IRGQ: variants seen among roughly 807,000 people sequenced by gnomAD.
The protein encoded by IRGQ is immunity-related GTPase family Q protein.
A neutral mutation model predicts 10.5 loss-of-function variants in IRGQ; 5 were observed. The ratio of observed to expected loss-of-function variants is 0.48; its 90% CI spans 0.25 to 1.00. The LOEUF (loss-of-function observed/expected upper bound fraction) is 1.00. IRGQ is among the 50% of genes least tolerant of loss of function. The pLI is 0.16. For synonymous variants in IRGQ, 418 were observed against 426.0 expected, an observed-to-expected ratio of 0.98 and a Z score of 0.23; for missense variants, 792 against 877.7, an observed-to-expected ratio of 0.90 and a Z score of 1.23.
At position 43,586,741 on chromosome 19, in the gene IRGQ, G is replaced by T. The variant is rs1431869005; in HGVS notation, c.*5285C>A. ...GAGCTCCATGTGTCAGGCTTTTCAGGAAAGGGTGTACTATGTTATGTGTCT... is the reference window on the plus strand; with the variant it reads ...GAGCTCCATGTGTCAGGCTTTTCAGTAAAGGGTGTACTATGTTATGTGTCT... On this transcript the variant is annotated 3_prime_UTR_variant, in exon 3 of 3. Coordinates refer to ENST00000422989, the MANE Select transcript of IRGQ (RefSeq NM_001007561.3). 1 of 152,192 alleles carries T rather than the reference G, an allele frequency of 6.6e-6. No individual in the cohort carries two copies. Among genetic ancestry groups the T allele is most frequent in the Non-Finnish European group, 1.5e-5 (1 of 68,052 alleles). The allele number at this position is 152,192 out of a possible 1,614,324, so 9.4% of individuals were successfully genotyped here.
At position 43,595,208 on chromosome 19, in the gene IRGQ, G is replaced by A; in HGVS notation, c.131C>T (p.Ser44Phe). Residue 44 changes from serine (S) to phenylalanine (F), a missense_variant, in exon 2 of 3, where the codon TCC becomes TTC. Ser to Phe is a radical substitution (Grantham distance 155, BLOSUM62 -2). Transcript: ENST00000422989. ...TLEAPEGRPD[S>F]GVPSLRAAGP... ...CGCAGCTCTTAGGCTGGGAACCCCG[G>A]AGTCCGGCCGTCCCTCGGGGGCCTC... The A allele has an allele frequency of 6.2e-7, 1 of 1,612,420 alleles. No homozygotes were observed. The highest frequency in any genetic ancestry group is 1.1e-5 in the South Asian group (1 of 91,028).
In IRGQ at chr19:43,592,085, G is replaced by A. The variant is rs900122121; in HGVS notation, c.1813C>T (p.Leu605Phe). The A allele has an allele frequency of 1.9e-6, 3 of 1,612,600 alleles. No individual in the cohort carries two copies. Among genetic ancestry groups the A allele is most frequent in the African/African-American group, 2.7e-5 (2 of 75,040 alleles). Residue 605 changes from leucine to phenylalanine, a missense_variant, in exon 3 of 3, where the codon CTC (leucine) becomes TTC (phenylalanine). Transcript: ENST00000422989. The stretch of plus-strand genomic sequence containing the variant: ...TCAGCATCAGCCCGCATCTCATCGA[G>A]AGCCTGCAGCAGGACGCCGTGAGCC... ...RAAHGVLLQA[L>F]DEMRADAEAV...
In IRGQ at chr19:43,586,711, T is replaced by C. The variant is rs886097935; in HGVS notation, c.*5315A>G. ...GCTGCCCAGGGGTGGGTGGCACTCA[T>C]GTTTGAGCTCCATGTGTCAGGCTTT... On this transcript the variant is annotated 3_prime_UTR_variant, in exon 3 of 3. Transcript: ENST00000422989. 1 of 152,220 alleles carries C rather than the reference T, an allele frequency of 6.6e-6. No homozygotes were observed. Among genetic ancestry groups the C allele is most frequent in the Non-Finnish European group, 1.5e-5 (1 of 68,054 alleles). The allele number at this position is 152,220 out of a possible 1,614,324, so 9.4% of individuals were successfully genotyped here.
In IRGQ at chr19:43,594,788, A is replaced by G. The variant is rs539233326; in HGVS notation, c.530+21T>C. 4.4e-6 allele frequency: 7 copies of G among 1,579,296 alleles called. No individual in the cohort carries two copies. The African/African-American group carries it at 5.4e-5, about 12-fold the overall frequency. The stretch of plus-strand genomic sequence containing the variant: ...GCCTAGGGTCTCGACTAACGGACCC[A>G]GCCAGAAAGCCGGCACTCACCTCCG... On this transcript the variant is annotated intron_variant, in intron 2 of 2. Coordinates refer to ENST00000422989, the MANE Select transcript of IRGQ (RefSeq NM_001007561.3).
intron 2 of IRGQ, among the ~76,000 whole-genome samples, chr19:43,594,498 G>A (rs1362892669): frequency 6.6e-6 from 1 of 151,874 alleles, no homozygotes; most frequent in Non-Finnish European, 1.5e-5. Flanking sequence ...AGCTAGGATC[G>A]CGGCACTGCA....
Position 43,592,689 on chromosome 19 carries a change from T to C in IRGQ, c.1209A>G (p.Ser403=). Residue 403 remains serine, a synonymous_variant, in exon 3 of 3, where the codon TCA becomes TCG. Coordinates refer to ENST00000422989, the MANE Select transcript of IRGQ (RefSeq NM_001007561.3). ...CGGCCCGCTCTGAGTCGCCACCACC[T>C]GATTTCTTCATGCCGACAACCTGCT... ...GLQQVVGMKK[S]GGGDSERAAA... is the part of the protein sequence containing the mutation. 2 of 1,608,236 alleles carry C rather than the reference T, an allele frequency of 1.2e-6. No homozygotes were observed. Among genetic ancestry groups the C allele is most frequent in the South Asian group, 2.2e-5 (2 of 91,088 alleles).
chr19:43,590,501 C>G lies in IRGQ; in HGVS notation c.*1525G>C, dbSNP rs552122072. 1 of 152,386 alleles carries G rather than the reference C, an allele frequency of 6.6e-6. No homozygotes were observed. Among genetic ancestry groups the G allele is most frequent in the East Asian group, 1.9e-4 (1 of 5,186 alleles). 9.4% of individuals were successfully genotyped at this position (152,386 alleles called of 1,614,324 possible). ...GTTTCTGCCTTTGCTTCATTCACTC[C>G]TGGCATATTCCCATGGTCTCAAGTG... On this transcript the variant is annotated 3_prime_UTR_variant, in exon 3 of 3. Transcript: ENST00000422989.
chr19:43,593,768 C>A lies in IRGQ; in HGVS notation c.531-401G>T, dbSNP rs1973093199. Reference sequence around the variant, plus strand: ...TCGCAACTGTATTGTGGCCTAAACACAAGTCCAGCACTATTTGAGACAAGG... The same window carrying A: ...TCGCAACTGTATTGTGGCCTAAACAAAAGTCCAGCACTATTTGAGACAAGG... On this transcript the variant is annotated intron_variant, in intron 2 of 2. Coordinates refer to ENST00000422989, the MANE Select transcript of IRGQ (RefSeq NM_001007561.3). This position sits in a 1 kb window ranked among gnomAD's most constrained non-coding sequence, Gnocchi z 6.4. 1.3e-5 allele frequency among the ~76,000 whole-genome samples: 2 copies of A among 152,144 alleles called. No homozygotes were observed. Among genetic ancestry groups the A allele is most frequent in the Non-Finnish European group, 2.9e-5 (2 of 68,036 alleles).
rs766863233 is a variant in IRGQ at position 43,593,113 on chromosome 19, G to A, written c.785C>T (p.Thr262Ile). Residue 262 changes from threonine to isoleucine, a missense_variant, in exon 3 of 3, where the codon ACT (threonine) becomes ATT (isoleucine). Physicochemically the swap from Thr to Ile is moderately conservative, Grantham distance 89 (BLOSUM62 -1). Transcript: ENST00000422989. The surrounding 1 kb of genome is among the most constrained non-coding windows in gnomAD (Gnocchi z 6.4). ...AAPASVPTAPTPFPAPERPNV... is the reference protein window; with the variant it reads ...AAPASVPTAPIPFPAPERPNV... Reference sequence around the variant, plus strand: ...CGGGCGCTCTGGGGCTGGGAAGGGAGTGGGTGCTGTGGGGACCGAAGCAGG... The same window carrying A: ...CGGGCGCTCTGGGGCTGGGAAGGGAATGGGTGCTGTGGGGACCGAAGCAGG... 1.3e-6 allele frequency: 2 copies of A among 1,570,670 alleles called. No individual in the cohort carries two copies. Among genetic ancestry groups the A allele is most frequent in the Admixed American group, 3.6e-5 (2 of 55,808 alleles).
rs1375080496 is a variant in IRGQ, at chr19:43,588,368, C to T, written c.*3658G>A. 1 of 151,740 alleles carries T rather than the reference C, an allele frequency of 6.6e-6. No individual in the cohort carries two copies. The highest frequency in any genetic ancestry group is 1.9e-4 in the East Asian group (1 of 5,184). The allele number at this position is 151,740 out of a possible 1,614,324, so 9.4% of individuals were successfully genotyped here. ...TGAGCCAAGATCGCACAACTGCACT[C>T]CAGCCTGGGTGACAGAGCAAGACTC... On this transcript the variant is annotated 3_prime_UTR_variant, in exon 3 of 3. Transcript: ENST00000422989.
rs1403468708 is a variant in IRGQ at position 43,586,389 on chromosome 19, G to A, written c.*5637C>T. 1 of 152,086 alleles carries A rather than the reference G, an allele frequency of 6.6e-6. No individual in the cohort carries two copies. The highest frequency in any genetic ancestry group is 1.9e-4 in the East Asian group (1 of 5,202). The allele number at this position is 152,086 out of a possible 1,614,324, so 9.4% of individuals were successfully genotyped here. A position where few individuals can be genotyped will look rare whatever the true frequency, so the allele number is the denominator to read the frequency against. On this transcript the variant is annotated 3_prime_UTR_variant, in exon 3 of 3. Transcript: ENST00000422989. ...CCCCAAAAGAAGTCATAACACTCAA[G>A]GGTGTCAATATATACAACTGTGTAA...
intron 1 of IRGQ, among the ~76,000 whole-genome samples, chr19:43,595,688 G>A (rs1451308493): frequency 6.6e-6 from 1 of 151,848 alleles, no homozygotes; most frequent in Non-Finnish European, 1.5e-5. Context: ...ACATGTGGGG[G>A]GACTCTCTGG....
At chr19:43,594,776 A>G in intron 2 of IRGQ, 33 bp downstream of exon 2, 1 of 1,565,988 alleles carries the variant, frequency 6.4e-7, no homozygotes, top group Non-Finnish European at 8.6e-7. Flanking sequence ...TAGGGTCTCG[A>G]CTAACGGACC....
chr19:43,595,096 C>T lies in IRGQ; in HGVS notation c.243G>A (p.Val81=), dbSNP rs1973116840. The T allele has an allele frequency of 1.2e-6, 2 of 1,609,332 alleles. No homozygotes were observed. The highest frequency in any genetic ancestry group is 1.3e-5 in the African/African-American group (1 of 74,848). Residue 81 remains valine, a synonymous_variant, in exon 2 of 3, where the codon GTG becomes GTA. Transcript: ENST00000422989. ...WAAEANVLVL[V]LPGPEGNGEP... ...CCCCGTTCCCCTCGGGTCCGGGCAGCACCAGTACCAGCACGTTGGCTTCCG... is the reference window on the plus strand; with the variant it reads ...CCCCGTTCCCCTCGGGTCCGGGCAGTACCAGTACCAGCACGTTGGCTTCCG...
chr19:43,594,754 C>T, intron 2 of IRGQ, 55 bp downstream of exon 2: 2 of 1,502,120 alleles, frequency 1.3e-6, no homozygotes, highest in Non-Finnish European at 1.8e-6. Context: ...TCCATGGTCG[C>T]ACCTAGGTGC....
In IRGQ at chr19:43,594,921, A is replaced by T; in HGVS notation, c.418T>A (p.Leu140Ile). The T allele has an allele frequency of 3.1e-6, 5 of 1,613,928 alleles. No homozygotes were observed. The highest frequency in any genetic ancestry group is 4.2e-6 in the Non-Finnish European group (5 of 1,179,930). The change falls in exon 2 of 3, where the codon TTA (leucine) becomes ATA (isoleucine). Residue 140 changes from leucine (L) to isoleucine (I), a missense_variant. Physicochemically the swap from Leu to Ile is conservative, Grantham distance 5. Coordinates refer to ENST00000422989, the MANE Select transcript of IRGQ (RefSeq NM_001007561.3). ...AGCACAAACAGATCCGCAGCTCCTA[A>T]CCCCGCGCTGTTCAGCAGAGCTGCT... is the stretch of plus-strand genomic sequence containing the variant. ...QTAALLNSAG[L>I]GAADLFVLPA...
Position 43,592,548 on chromosome 19 carries a change from G to T in IRGQ, c.1350C>A (p.Leu450=), listed in dbSNP as rs770334944. 6.3e-7 allele frequency: 1 copy of T among 1,596,936 alleles called. No homozygotes were observed. Among genetic ancestry groups the T allele is most frequent in the East Asian group, 2.2e-5 (1 of 44,754 alleles). Residue 450 remains leucine, a synonymous_variant, in exon 3 of 3, where the codon CTC becomes CTA. Coordinates refer to ENST00000422989, the MANE Select transcript of IRGQ (RefSeq NM_001007561.3). ...PGLCEWLRRA[L]PPAQAGALLL... Reference sequence around the variant, plus strand: ...GCAGTGCCCCTGCCTGGGCTGGGGGGAGCGCTCGCCGCAGCCATTCGCATA... The same window carrying T: ...GCAGTGCCCCTGCCTGGGCTGGGGGTAGCGCTCGCCGCAGCCATTCGCATA...
In IRGQ at chr19:43,585,334, GT is replaced by G. The variant is rs1972982204; in HGVS notation, c.*6691del. ...GCTCACTACAACCTCCGCCTCCCAG[GT>G]TCAAGCTATTCTCCTGCCTCAGCCT... On this transcript the variant is annotated 3_prime_UTR_variant, in exon 3 of 3. Coordinates refer to ENST00000422989, the MANE Select transcript of IRGQ (RefSeq NM_001007561.3). The G allele has an allele frequency of 6.6e-6, 1 of 152,196 alleles. No homozygotes were observed. The highest frequency in any genetic ancestry group is 2.1e-4 in the South Asian group (1 of 4,828). 9.4% of individuals were successfully genotyped at this position (152,196 alleles called of 1,614,324 possible).
At position 43,591,479 on chromosome 19, in the gene IRGQ, C is replaced by T. The variant is rs1364052860; in HGVS notation, c.*547G>A. 1.3e-5 allele frequency: 2 copies of T among 152,284 alleles called. No homozygotes were observed. Among genetic ancestry groups the T allele is most frequent in the African/African-American group, 4.8e-5 (2 of 41,444 alleles). 9.4% of individuals were successfully genotyped at this position (152,284 alleles called of 1,614,324 possible). A position where few individuals can be genotyped will look rare whatever the true frequency, so the allele number is the denominator to read the frequency against. ...CTCCCTAGGAGACAAAGACATAGTCCCTGCTAGAGTCTGGGCCACCAACTC... is the reference window on the plus strand; with the variant it reads ...CTCCCTAGGAGACAAAGACATAGTCTCTGCTAGAGTCTGGGCCACCAACTC... On this transcript the variant is annotated 3_prime_UTR_variant, in exon 3 of 3. Transcript: ENST00000422989.
Sources: gnomAD v4.1 joint callset for allele counts (sites outside exome capture counted in the v4.1 genomes callset) on GRCh38, gnomAD v4.1.1 for gene constraint, Gnocchi (gnomAD v3.1) non-coding constraint, MANE v1.5 for transcripts, NCBI Gene and HGNC (gene_info 2026-07-23, HGNC 2026-07-21) for gene names.